WDHD1: variants seen among roughly 807,000 people sequenced by gnomAD.
The protein encoded by WDHD1 is WD repeat and HMG-box DNA-binding protein 1.
A neutral mutation model predicts 135.4 loss-of-function variants in WDHD1; 111 were observed. The ratio of observed to expected loss-of-function variants is 0.82; its 90% CI spans 0.70 to 0.96. The LOEUF (loss-of-function observed/expected upper bound fraction) is 0.96, where lower values mean the gene tolerates loss of function less well. WDHD1 is among the 40% of genes least tolerant of loss of function. The probability of loss-of-function intolerance (pLI) is 0.00; values close to 1 mark genes in which losing one functional copy is unlikely to be tolerated. For synonymous variants in WDHD1, 434 were observed against 439.0 expected (o/e 0.99, Z 0.14); for missense variants, 1,351 against 1,336.3 (o/e 1.01, Z -0.17).
chr14:54,960,244 T>C (rs2041228866), intron 21 of WDHD1, among the ~76,000 whole-genome samples: 1 of 152,150 alleles, frequency 6.6e-6, no homozygotes, highest in African/African-American at 2.4e-5. Flanking sequence ...CTCACCTCAC[T>C]GCAAGCTCTG....
At chr14:54,967,192 A>T in intron 17 of WDHD1, 88 bp downstream of exon 17, 3 of 1,059,668 alleles carry the variant, frequency 2.8e-6, no homozygotes, top group Non-Finnish European at 4.3e-6. Context: ...TGAATATTCA[A>T]TACTGGCCAT....
At chr14:55,011,004 A>C (rs562029037) in intron 3 of WDHD1, among the ~76,000 whole-genome samples, 1 of 152,354 alleles carries the variant, frequency 6.6e-6, no homozygotes, top group South Asian at 2.1e-4. Context: ...AATGGAACAT[A>C]TTCTCCCTCA....
Position 54,987,173 on chromosome 14 carries a change from C to T in WDHD1, c.1741G>A (p.Glu581Lys), listed in dbSNP as rs1158056028. ...GPVVSMAGHGEQLFIVYHRGT... is the reference protein window; with the variant it reads ...GPVVSMAGHGKQLFIVYHRGT... ...CTGTGATAAACAATGAAAAGCTGTT[C>T]TCCATGTCCTGCCATTGACACCACA... The change falls in exon 14 of 26, where the codon GAA (glutamate) becomes AAA (lysine). Residue 581 changes from glutamate (E) to lysine (K), a missense_variant. Glu to Lys is a moderately conservative substitution (Grantham distance 56). This residue lies in a region of WDHD1 where 1,330 missense variants were observed against 1,296.1 expected (regional missense o/e 1.03). Transcript: ENST00000360586. The T allele has an allele frequency of 6.2e-7, 1 of 1,613,988 alleles. No individual in the cohort carries two copies. Among genetic ancestry groups the T allele is most frequent in the Non-Finnish European group, 8.5e-7 (1 of 1,180,006 alleles).
At position 54,967,207 on chromosome 14, in the gene WDHD1, A is replaced by T. The variant is rs1595076097; in HGVS notation, c.2178+73T>A. On this transcript the variant is annotated intron_variant, in intron 17 of 25. Coordinates refer to ENST00000360586, the MANE Select transcript of WDHD1 (RefSeq NM_007086.4). ...TGAATATTCAATACTGGCCATCAGGATAATTTTAAAGTGTGTGTATCACAG... is the reference window on the plus strand; with the variant it reads ...TGAATATTCAATACTGGCCATCAGGTTAATTTTAAAGTGTGTGTATCACAG... 5 of 1,185,944 alleles carry T rather than the reference A, an allele frequency of 4.2e-6. No individual in the cohort carries two copies. The East Asian group carries it at 1.2e-4, about 29-fold the overall frequency. The allele number at this position is 1,185,944 out of a possible 1,614,324, so 73.5% of individuals were successfully genotyped here.
chr14:54,947,398 A>T (rs1226326211), intron 24 of WDHD1, among the ~76,000 whole-genome samples: 3 of 152,176 alleles, frequency 2.0e-5, no homozygotes, highest in Non-Finnish European at 4.4e-5. Flanking sequence ...TCTTAAATAA[A>T]ATTTTCACTG....
intron 16 of WDHD1, among the ~76,000 whole-genome samples, chr14:54,979,292 T>C (rs1267897050): frequency 6.6e-6 from 1 of 151,864 alleles, no homozygotes; most frequent in African/African-American, 2.4e-5. Flanking sequence ...GCAGAGACTA[T>C]AGGTGTGTGC....
At chr14:54,944,504 T>C (rs754986700) in intron 24 of WDHD1, 34 bp from the exon 25 acceptor site, 78 of 1,541,404 alleles carry the variant, frequency 5.1e-5, no homozygotes, top group Non-Finnish European at 6.5e-5. Flanking sequence ...CATTTTATAC[T>C]TAAGACAGAG....
intron 7 of WDHD1, chr14:55,005,130 T>C (rs1210763363): frequency 1.9e-6 from 1 of 533,876 alleles, no homozygotes; most frequent in African/African-American, 1.9e-5. Flanking sequence ...CAGGAAATGG[T>C]GCCACACATG....
rs537875294 is a variant in WDHD1 at position 54,964,624 on chromosome 14, G to A, written c.2311-1452C>T. Reference sequence around the variant, plus strand: ...ACTGCACTCCAGCCTGGGCAACAGAGCGAGACTTCGTTTCAAAAAAAAAAA... The same window carrying A: ...ACTGCACTCCAGCCTGGGCAACAGAACGAGACTTCGTTTCAAAAAAAAAAA... On this transcript the variant is annotated intron_variant, in intron 18 of 25. Transcript: ENST00000360586. Among the ~76,000 whole-genome samples, 478 of 151,806 alleles carry A rather than the reference G, an allele frequency of 3.1e-3. 3 individuals are homozygous for A. Among genetic ancestry groups the A allele is most frequent in the African/African-American group, 0.011 (450 of 41,344 alleles).
intron 11 of WDHD1, among the ~76,000 whole-genome samples, chr14:54,992,183 G>A (rs1275438116): frequency 1.3e-5 from 2 of 150,196 alleles, no homozygotes; most frequent in African/African-American, 4.9e-5. Context: ...GCTTGAACCC[G>A]GGAGACTCCG....
chr14:55,011,827 T>C (rs1395845975), intron 3 of WDHD1, among the ~76,000 whole-genome samples: 1 of 152,132 alleles, frequency 6.6e-6, no homozygotes, highest in East Asian at 1.9e-4. Context: ...TTCCATTATA[T>C]GGCTCCACCA....
intron 13 of WDHD1, among the ~76,000 whole-genome samples, chr14:54,988,053 TTTC>T (rs778675361): frequency 1.3e-5 from 2 of 152,130 alleles, no homozygotes; most frequent in African/African-American, 2.4e-5. Context: ...GAAAAAATAT[TTTC>T]TTTTCTTTTG....
chr14:54,968,329 C>G (rs868456296), intron 16 of WDHD1, among the ~76,000 whole-genome samples: 1 of 151,964 alleles, frequency 6.6e-6, no homozygotes, highest in African/African-American at 2.4e-5. Flanking sequence ...AAAACAGACA[C>G]AACATATCAA....
At chr14:54,965,464 A>G (rs1434647179) in intron 18 of WDHD1, among the ~76,000 whole-genome samples, 1 of 152,208 alleles carries the variant, frequency 6.6e-6, no homozygotes, top group Non-Finnish European at 1.5e-5. Flanking sequence ...AGCCCGATCA[A>G]AGTTCTTAAG....
chr14:54,952,803 C>T (rs939338906), intron 24 of WDHD1, among the ~76,000 whole-genome samples: 4 of 151,996 alleles, frequency 2.6e-5, no homozygotes, highest in Non-Finnish European at 4.4e-5. Flanking sequence ...CAGAACAGAG[C>T]CCTCAGAAAT....
intron 25 of WDHD1, among the ~76,000 whole-genome samples, chr14:54,942,173 C>G (rs1214378481): frequency 6.6e-6 from 1 of 151,984 alleles, no homozygotes; most frequent in South Asian, 2.1e-4. Flanking sequence ...CTAGAGTGAA[C>G]CCGGGAGGTG....
intron 14 of WDHD1, among the ~76,000 whole-genome samples, chr14:54,986,034 T>C (rs995740872): frequency 3.3e-5 from 5 of 152,188 alleles, no homozygotes; most frequent in Admixed American, 6.5e-5. Flanking sequence ...CAACTGGATG[T>C]GTAAGTCTGG....
chr14:54,952,465 A>C (rs1159410604), intron 24 of WDHD1, among the ~76,000 whole-genome samples: 1 of 152,254 alleles, frequency 6.6e-6, no homozygotes, highest in African/African-American at 2.4e-5. Context: ...AAAGAGAACT[A>C]CAAACCACTG....
intron 23 of WDHD1, 45 bp from the exon 24 acceptor site, chr14:54,955,739 TTA>T (rs1398580009): frequency 7.3e-7 from 1 of 1,377,504 alleles, no homozygotes; most frequent in Non-Finnish European, 9.5e-7. Context: ...TAGTATAATT[TTA>T]TATGTTTTAT....
Sources: allele counts gnomAD v4.1 joint callset (sites outside exome capture counted in the v4.1 genomes callset), GRCh38; gene constraint gnomAD v4.1.1; regional missense constraint gnomAD v4.1.1; transcripts MANE v1.5; gene names NCBI Gene and HGNC (gene_info 2026-07-23, HGNC 2026-07-21).